Variants in UPP2 observed in about 807,000 individuals in gnomAD.
UPP2 encodes the protein uridine phosphorylase 2.
Under a neutral mutation model 26.7 loss-of-function variants are expected in UPP2, and 23 were observed. The observed-to-expected ratio is 0.86, with a 90% CI of 0.62 to 1.22. The LOEUF is 1.22. Among genes scored for constraint, UPP2 ranks in the 50% most tolerant of loss-of-function variants. The pLI is 0.00. For missense variants in UPP2, 387 were observed against 396.7 expected (o/e 0.98, Z 0.21); for synonymous variants, 127 against 141.3 (o/e 0.90, Z 0.72).
At chr2:158,033,816 T>C (rs1683961644) in intron 3 of UPP2, among the ~76,000 whole-genome samples, 1 of 152,242 alleles carries the variant, frequency 6.6e-6, no homozygotes, top group South Asian at 2.1e-4. Flanking sequence ...AAGGTTCTCT[T>C]AAAACATGCA....
chr2:158,014,397 C>T (rs1683627924), intron 2 of UPP2, among the ~76,000 whole-genome samples: 1 of 152,180 alleles, frequency 6.6e-6, no homozygotes, highest in South Asian at 2.1e-4. Flanking sequence ...GGCCCTGCTG[C>T]AGTATTAAGC....
At chr2:158,027,402 G>A (rs960873640) in intron 3 of UPP2, among the ~76,000 whole-genome samples, 1 of 152,158 alleles carries the variant, frequency 6.6e-6, no homozygotes, top group Non-Finnish European at 1.5e-5. Context: ...AAATTTTAAA[G>A]CGCCAAAATG....
intron 2 of UPP2, among the ~76,000 whole-genome samples, chr2:158,007,218 G>T (rs1213241778): frequency 6.6e-6 from 1 of 152,090 alleles, no homozygotes; most frequent in African/African-American, 2.4e-5. Flanking sequence ...TCTGCGAGGC[G>T]GTGCTATCAT....
chr2:158,067,353 T>C (rs1682453189), intron 3 of UPP2, among the ~76,000 whole-genome samples: 1 of 139,524 alleles, frequency 7.2e-6, no homozygotes, highest in African/African-American at 2.7e-5. Context: ...AAATAAATAG[T>C]GAAATGCATT....
chr2:158,053,199 T>TATTTAGAAGATTTA (rs1682187941), intron 3 of UPP2, among the ~76,000 whole-genome samples: 1 of 152,206 alleles, frequency 6.6e-6, no homozygotes, highest in African/African-American at 2.4e-5. Flanking sequence ...TGGGAAGTCC[T>TATTTAGAAGATTTA]GATTTAGAAG....
At chr2:158,031,744 T>C (rs13024527) in intron 3 of UPP2, among the ~76,000 whole-genome samples, 10,826 of 152,318 alleles carry the variant, frequency 0.071, 484 homozygotes, top group Non-Finnish European at 0.1. Flanking sequence ...GAAATAACAT[T>C]GAGAAAGTAG....
intron 3 of UPP2, among the ~76,000 whole-genome samples, chr2:158,025,201 CAAAAA>C (rs60557993): frequency 1.3e-5 from 1 of 78,646 alleles, no homozygotes; most frequent in Admixed American, 1.5e-4. Flanking sequence ...GACTCCCTCT[CAAAAA>C]AAAAAAAAAA....
exon 2 of UPP2, chr2:157,995,243 G>A: frequency 6.2e-7 from 1 of 1,613,736 alleles, no homozygotes; most frequent in Non-Finnish European, 8.5e-7. Context: ...AAGAAGTGGT[G>A]AGGACAAGGC....
intron 3 of UPP2, among the ~76,000 whole-genome samples, chr2:158,079,231 G>A (rs764777273): frequency 2.6e-5 from 4 of 151,802 alleles, no homozygotes; most frequent in Admixed American, 6.6e-5. Flanking sequence ...GCATGAGAAC[G>A]GACTAACACA....
At chr2:158,029,518 C>T (rs1362784954) in intron 3 of UPP2, among the ~76,000 whole-genome samples, 1 of 152,152 alleles carries the variant, frequency 6.6e-6, no homozygotes, top group Non-Finnish European at 1.5e-5. Flanking sequence ...GACAAGGCTA[C>T]AGATTTATAA....
upstream of UPP2, among the ~76,000 whole-genome samples, chr2:158,099,039 A>G (rs1303290630): frequency 2.0e-5 from 3 of 152,196 alleles, no homozygotes; most frequent in Non-Finnish European, 2.9e-5. Context: ...AGTTTTAGTT[A>G]TTTGTCACGA....
intron 1 of UPP2, among the ~76,000 whole-genome samples, chr2:158,104,961 G>GGAAGA (rs1558932089): frequency 2.0e-4 from 15 of 75,888 alleles, no homozygotes; most frequent in African/African-American, 1.2e-3. Flanking sequence ...GGAAGGGAAG[G>GGAAGA]GAAGGGAAGG....
intron 2 of UPP2, among the ~76,000 whole-genome samples, chr2:158,114,161 A>G (rs1006163057): frequency 1.3e-5 from 2 of 152,190 alleles, no homozygotes; most frequent in African/African-American, 2.4e-5. Flanking sequence ...CAGACCCTCC[A>G]CTATGTTGTC....
chr2:158,015,946 T>C (rs763006294), intron 3 of UPP2: 5 of 379,162 alleles, frequency 1.3e-5, no homozygotes, highest in Non-Finnish European at 2.6e-5. Flanking sequence ...TTCTTTATAG[T>C]GGTATGAAAA....
At chr2:158,094,232 A>G (rs1279492027) in intron 3 of UPP2, among the ~76,000 whole-genome samples, 1 of 152,050 alleles carries the variant, frequency 6.6e-6, no homozygotes, top group Non-Finnish European at 1.5e-5. Flanking sequence ...CTTTAATGAA[A>G]TCTTTCCTTT....
At chr2:158,110,228 T>G (rs1242648560) in intron 2 of UPP2, among the ~76,000 whole-genome samples, 1 of 152,112 alleles carries the variant, frequency 6.6e-6, no homozygotes, top group Non-Finnish European at 1.5e-5. Context: ...TTGTTCAATT[T>G]CCACCTATGA....
chr2:158,065,105 T>C (rs1262226302), intron 3 of UPP2, among the ~76,000 whole-genome samples: 1 of 152,120 alleles, frequency 6.6e-6, no homozygotes, highest in African/African-American at 2.4e-5. Context: ...CATAAACACA[T>C]TCCTCAGTTC....
At chr2:158,016,236 T>C (rs890605845) in intron 3 of UPP2, among the ~76,000 whole-genome samples, 7 of 152,096 alleles carry the variant, frequency 4.6e-5, no homozygotes, top group Admixed American at 2.6e-4. Context: ...TAGTGCCCAT[T>C]GTGTTTATTG....
chr2:158,028,553 G>T (rs1018935476), intron 3 of UPP2, among the ~76,000 whole-genome samples: 2 of 152,070 alleles, frequency 1.3e-5, no homozygotes, highest in Admixed American at 1.3e-4. Context: ...CTTCTTCTGA[G>T]CCCCCCAATC....
Sources: allele counts gnomAD v4.1 joint callset (sites outside exome capture counted in the v4.1 genomes callset), GRCh38; gene constraint gnomAD v4.1.1; transcripts MANE v1.5; gene names NCBI Gene and HGNC (gene_info 2026-07-23, HGNC 2026-07-21).